HIP1: variants seen among roughly 807,000 people sequenced by gnomAD.
The protein encoded by HIP1 is huntingtin interacting protein 1.
Under a neutral mutation model 147.6 loss-of-function variants are expected in HIP1, and 65 were observed. That is an observed-to-expected ratio of 0.44 (90% CI 0.36 to 0.54). The LOEUF (loss-of-function observed/expected upper bound fraction) is 0.54. Among genes scored for constraint, HIP1 ranks in the 20% least tolerant of loss-of-function variants. The pLI, the probability that HIP1 is intolerant of heterozygous loss-of-function variation, is 0.00. For synonymous variants in HIP1, 479 were observed against 504.0 expected, an observed-to-expected ratio of 0.95 and a Z score of 0.67; for missense variants, 1,061 against 1,299.6, an observed-to-expected ratio of 0.82 and a Z score of 2.82.
intron 1 of HIP1, among the ~76,000 whole-genome samples, chr7:75,719,860 C>A (rs1356665010): frequency 1.3e-5 from 2 of 152,204 alleles, no homozygotes; most frequent in Non-Finnish European, 2.9e-5. Flanking sequence ...CCACTCCAGT[C>A]TTTAGACACA....
At chr7:75,625,619 T>C (rs768562321) in intron 1 of HIP1, 1 of 152,192 alleles carries the variant, frequency 6.6e-6, no homozygotes, top group African/African-American at 2.4e-5. Flanking sequence ...AGTCACTGTT[T>C]CTAGTGAGTA....
At chr7:75,596,235 CAAAAAAAAAAA>C (rs10658504) in intron 2 of HIP1, among the ~76,000 whole-genome samples, 1 of 59,604 alleles carries the variant, frequency 1.7e-5, no homozygotes, top group African/African-American at 6.6e-5. Flanking sequence ...GACCCTGCCT[CAAAAAAAAAAA>C]AAAAAAAAAA....
chr7:75,639,080 C>G (rs1356845791), intron 1 of HIP1: 2 of 984,586 alleles, frequency 2.0e-6, no homozygotes, highest in African/African-American at 3.5e-5. Flanking sequence ...ACCGAGGCTG[C>G]GGGGCACCCC....
chr7:75,625,735 G>A (rs370694687), intron 1 of HIP1: 8 of 152,120 alleles, frequency 5.3e-5, no homozygotes, highest in African/African-American at 1.4e-4. Context: ...GGGACTTTTC[G>A]GAAATGATTA....
chr7:75,616,584 G>GGA (rs1797670561), intron 1 of HIP1, among the ~76,000 whole-genome samples: 2 of 145,968 alleles, frequency 1.4e-5, no homozygotes, highest in African/African-American at 5.0e-5. Context: ...TTTAAGGGTG[G>GGA]GGAGGAGGAG....
At chr7:75,594,272 C>T (rs1796607666) in intron 2 of HIP1, among the ~76,000 whole-genome samples, 1 of 151,634 alleles carries the variant, frequency 6.6e-6, no homozygotes, top group Admixed American at 6.6e-5. Context: ...GAGCAAAACT[C>T]TGCCTCAACA....
intron 4 of HIP1, among the ~76,000 whole-genome samples, chr7:75,589,787 G>A (rs1382938313): frequency 6.7e-6 from 1 of 148,996 alleles, no homozygotes; most frequent in African/African-American, 2.5e-5. Flanking sequence ...CTGGAGTGCA[G>A]TGGTGCGATC....
Position 75,573,918 on chromosome 7 carries a change from A to G in HIP1, c.605-17T>C. The G allele has an allele frequency of 6.2e-7, 1 of 1,603,908 alleles. No homozygotes were observed. The highest frequency in any genetic ancestry group is 1.1e-5 in the South Asian group (1 of 90,704). ...AGTTGAATACTAGGAAATAAAAGTG[A>G]GGGAGAAAGGTGGTAGAGCCAGGGG... On this transcript the variant is annotated splice_polypyrimidine_tract_variant and intron_variant, in intron 7 of 30. Coordinates refer to ENST00000336926, the MANE Select transcript of HIP1 (RefSeq NM_005338.7).
rs148478188 is a variant in HIP1, at chr7:75,724,438, G to C, written c.120+14363C>G. 2.0e-3 allele frequency among the ~76,000 whole-genome samples: 307 copies of C among 152,004 alleles called. 1 individual carries two copies. The highest frequency in any genetic ancestry group is 7.0e-3 in the African/African-American group (292 of 41,436). ...AATTTTTGTATTTTTAGTAGAGACA[G>C]AGTTTTGCCATGTTGGCCAGGCTGG... On this transcript the variant is annotated intron_variant, in intron 1 of 30. Transcript: ENST00000336926.
At chr7:75,666,685 A>C (rs1287833957) in intron 1 of HIP1, among the ~76,000 whole-genome samples, 6 of 152,154 alleles carry the variant, frequency 3.9e-5, no homozygotes, top group Non-Finnish European at 8.8e-5. Flanking sequence ...GAAGGATGGA[A>C]GGCAAGGACG....
intron 1 of HIP1, among the ~76,000 whole-genome samples, chr7:75,699,115 T>C (rs1554518995): frequency 6.6e-6 from 1 of 152,072 alleles, no homozygotes; most frequent in Non-Finnish European, 1.5e-5. Context: ...AAAGATTTCA[T>C]AGGTTTTTTT....
intron 1 of HIP1, among the ~76,000 whole-genome samples, chr7:75,628,475 CTTTTTTT>C (rs71098044): frequency 0.19 from 25,696 of 132,424 alleles, 2,431 homozygotes; most frequent in Non-Finnish European, 0.26. Context: ...TCCTGTACCT[CTTTTTTT>C]TTTTTTTTTT....
intron 1 of HIP1, among the ~76,000 whole-genome samples, chr7:75,685,585 G>A (rs140723521): frequency 3.9e-5 from 6 of 152,322 alleles, no homozygotes; most frequent in Middle Eastern, 6.8e-3. Flanking sequence ...TCTCGCTCTT[G>A]TCGCCCAGGC....
intron 1 of HIP1, among the ~76,000 whole-genome samples, chr7:75,689,195 T>G (rs1280784044): frequency 6.6e-6 from 1 of 151,700 alleles, no homozygotes; most frequent in African/African-American, 2.4e-5. Context: ...ATTATAAAAT[T>G]AAAAAAATTT....
At chr7:75,585,081 C>T (rs1796203768) in intron 5 of HIP1, among the ~76,000 whole-genome samples, 1 of 152,058 alleles carries the variant, frequency 6.6e-6, no homozygotes, top group African/African-American at 2.4e-5. Context: ...AACTCCTGGC[C>T]TCAAGTGATC....
chr7:75,699,847 C>A (rs1299508828), intron 1 of HIP1, among the ~76,000 whole-genome samples: 1 of 150,040 alleles, frequency 6.7e-6, no homozygotes, highest in Non-Finnish European at 1.5e-5. Context: ...ACGGGAGCAG[C>A]ACTGATTTTT....
At chr7:75,730,934 C>T (rs907807592) in intron 1 of HIP1, among the ~76,000 whole-genome samples, 2 of 150,786 alleles carry the variant, frequency 1.3e-5, no homozygotes, top group Non-Finnish European at 3.0e-5. Context: ...TGGGTTTCAC[C>T]GTGTTGGCCA....
chr7:75,637,572 G>T (rs2117147648), intron 1 of HIP1, among the ~76,000 whole-genome samples: 1 of 116,048 alleles, frequency 8.6e-6, no homozygotes, highest in South Asian at 2.9e-4. Context: ...TTGAGAGGGA[G>T]TTCTAATACA....
chr7:75,718,443 A>G, intron 1 of HIP1, among the ~76,000 whole-genome samples: 1 of 152,182 alleles, frequency 6.6e-6, no homozygotes. Flanking sequence ...AAAGGCTGAG[A>G]GAATGCTGTT....
Sources: gnomAD v4.1 joint callset for allele counts (sites outside exome capture counted in the v4.1 genomes callset) on GRCh38, gnomAD v4.1.1 for gene constraint, MANE v1.5 for transcripts, NCBI Gene and HGNC (gene_info 2026-07-23, HGNC 2026-07-21) for gene names.